Variants in FSD1L observed in about 807,000 individuals in gnomAD.
The protein encoded by FSD1L is FSD1-like protein.
Under a neutral mutation model 71.6 loss-of-function variants are expected in FSD1L, and 45 were observed. The observed-to-expected ratio is 0.63, with a 90% CI of 0.49 to 0.81. The LOEUF (loss-of-function observed/expected upper bound fraction) is 0.81. Ranked by LOEUF, FSD1L falls within the 30% of genes least tolerant of loss-of-function variation. FSD1L has a pLI of 0.00. For synonymous variants in FSD1L, 197 were observed against 207.2 expected, an observed-to-expected ratio of 0.95 and a Z score of 0.42; for missense variants, 561 against 618.1, an observed-to-expected ratio of 0.91 and a Z score of 0.98.
intron 1 of FSD1L, among the ~76,000 whole-genome samples, chr9:105,457,552 T>C (rs574291513): frequency 1.0e-4 from 16 of 152,382 alleles, no homozygotes; most frequent in African/African-American, 3.6e-4. Flanking sequence ...TAGTAACTTT[T>C]ACTAAGATAG....
intron 10 of FSD1L, chr9:105,521,969 A>G (rs941268333): frequency 1.2e-6 from 2 of 1,612,918 alleles, no homozygotes; most frequent in African/African-American, 2.7e-5. Context: ...TTGTACAAGT[A>G]TCAATGGACA....
intron 10 of FSD1L, chr9:105,530,916 A>G (rs1219861936): frequency 4.7e-6 from 1 of 212,648 alleles, no homozygotes; most frequent in East Asian, 1.1e-4. Context: ...CCTACTCTGT[A>G]CTGAGGATAC....
intron 13 of FSD1L, among the ~76,000 whole-genome samples, chr9:105,541,899 G>C (rs1158417698): frequency 1.3e-5 from 2 of 152,122 alleles, no homozygotes; most frequent in East Asian, 3.8e-4. Context: ...GTAGCCTTTC[G>C]ATTCCGTACC....
intron 7 of FSD1L, 147 bp downstream of exon 7, chr9:105,484,649 T>G: frequency 2.2e-6 from 1 of 461,034 alleles, no homozygotes; most frequent in Non-Finnish European, 3.5e-6. Context: ...AATTTGCTAG[T>G]TTTTTTTTAT....
chr9:105,533,414 A>ATTTTT (rs1271918066), intron 10 of FSD1L, among the ~76,000 whole-genome samples: 7 of 13,360 alleles, frequency 5.2e-4, no homozygotes, highest in African/African-American at 1.1e-3. Context: ...TGCCATTTCC[A>ATTTTT]TCTTTTTTTT....
chr9:105,494,320 C>T (rs1052551245), intron 7 of FSD1L, among the ~76,000 whole-genome samples: 7 of 151,926 alleles, frequency 4.6e-5, no homozygotes, highest in African/African-American at 7.3e-5. Context: ...GCATTCTTCA[C>T]GTAGTTCTCG....
chr9:105,542,219 C>A (rs10820814), intron 13 of FSD1L, among the ~76,000 whole-genome samples: 18,607 of 152,112 alleles, frequency 0.12, 1,519 homozygotes, highest in East Asian at 0.46. Flanking sequence ...TTTTTGCCTT[C>A]CTATCAGTGA....
intron 7 of FSD1L, among the ~76,000 whole-genome samples, chr9:105,504,864 A>G (rs368928808): frequency 1.8e-4 from 27 of 152,330 alleles, no homozygotes; most frequent in African/African-American, 5.8e-4. Flanking sequence ...CAGAGGGCCA[A>G]CTTTGCTTTG....
At chr9:105,462,927 C>T (rs1435812653) in intron 2 of FSD1L, among the ~76,000 whole-genome samples, 1 of 149,488 alleles carries the variant, frequency 6.7e-6, no homozygotes, top group Non-Finnish European at 1.5e-5. Flanking sequence ...CTCCTGAGGT[C>T]AAGAGTTTGA....
rs772495904 is a variant in FSD1L, at chr9:105,547,915, T to C, written c.*1432T>C. ...TGATAACCAACCTTCTTCCAAGGAG[T>C]GACCATTACTGCCTACATTTGCGTT... On this transcript the variant is annotated 3_prime_UTR_variant, in exon 14 of 14. Coordinates refer to ENST00000481272, the MANE Select transcript of FSD1L (RefSeq NM_001145313.3). The C allele has an allele frequency of 1.1e-4, 17 of 152,062 alleles. No homozygotes were observed. Among genetic ancestry groups the C allele is most frequent in the Non-Finnish European group, 2.5e-4 (17 of 67,944 alleles). The allele number at this position is 152,062 out of a possible 1,614,324, so 9.4% of individuals were successfully genotyped here.
chr9:105,524,166 C>G (rs1199202201), intron 10 of FSD1L: 8 of 1,612,088 alleles, frequency 5.0e-6, no homozygotes, highest in Non-Finnish European at 5.9e-6. Flanking sequence ...TTGTGAAGAA[C>G]TAGTCCATGA....
At chr9:105,490,134 G>C (rs138855799) in intron 7 of FSD1L, among the ~76,000 whole-genome samples, 1 of 152,110 alleles carries the variant, frequency 6.6e-6, no homozygotes, top group African/African-American at 2.4e-5. Flanking sequence ...GTGTAAAAGC[G>C]TTCCTATTTC....
chr9:105,515,223 A>C (rs1834638023), intron 10 of FSD1L, among the ~76,000 whole-genome samples: 1 of 152,102 alleles, frequency 6.6e-6, no homozygotes. Flanking sequence ...AAGATCACAT[A>C]CAGGGCACAT....
chr9:105,503,923 T>G (rs1833909323), intron 7 of FSD1L, among the ~76,000 whole-genome samples: 1 of 152,238 alleles, frequency 6.6e-6, no homozygotes, highest in Non-Finnish European at 1.5e-5. Flanking sequence ...TCACTTGACT[T>G]TCTTTTGGGG....
intron 10 of FSD1L, among the ~76,000 whole-genome samples, chr9:105,519,146 A>G (rs554152884): frequency 1.3e-5 from 2 of 152,360 alleles, no homozygotes; most frequent in South Asian, 4.1e-4. Context: ...AAATTCTGAA[A>G]TTGAGGCAGT....
At chr9:105,518,273 A>T (rs1834865119) in intron 10 of FSD1L, among the ~76,000 whole-genome samples, 1 of 152,216 alleles carries the variant, frequency 6.6e-6, no homozygotes, top group Admixed American at 6.5e-5. Context: ...ATTAACAAGG[A>T]TATTCAGGAC....
rs760830999 is a variant in FSD1L at position 105,550,988 on chromosome 9, C to G, written c.*4505C>G. ...AGGCACGTGAATGTGTTTGCTTTGG[C>G]TTGGAGCTTATTAAGTTTTGACTAC... On this transcript the variant is annotated 3_prime_UTR_variant, in exon 14 of 14. Coordinates refer to ENST00000481272, the MANE Select transcript of FSD1L (RefSeq NM_001145313.3). The G allele has an allele frequency of 2.0e-5, 3 of 152,022 alleles. No individual in the cohort carries two copies. Among genetic ancestry groups the G allele is most frequent in the Admixed American group, 6.6e-5 (1 of 15,262 alleles). The allele number at this position is 152,022 out of a possible 1,614,324, so 9.4% of individuals were successfully genotyped here.
chr9:105,500,407 A>T (rs1283795283), intron 7 of FSD1L, among the ~76,000 whole-genome samples: 1 of 152,144 alleles, frequency 6.6e-6, no homozygotes, highest in African/African-American at 2.4e-5. Flanking sequence ...TTTTCGGTGG[A>T]ACAGGATGGC....
In FSD1L at chr9:105,493,881, G is replaced by A. The variant is rs552872574; in HGVS notation, c.586+9379G>A. Among the ~76,000 whole-genome samples the A allele has an allele frequency of 2.6e-4, 40 of 152,324 alleles. No individual in the cohort carries two copies. In the East Asian group the frequency reaches 4.2e-3, roughly 16 times the overall value. On this transcript the variant is annotated intron_variant, in intron 7 of 13. Coordinates refer to ENST00000481272, the MANE Select transcript of FSD1L (RefSeq NM_001145313.3). ...CTGCCGAGAGATCCGCTGTTAGTCTGATGGGCTTCCCTTTGTGGATAACCC... is the reference window on the plus strand; with the variant it reads ...CTGCCGAGAGATCCGCTGTTAGTCTAATGGGCTTCCCTTTGTGGATAACCC...
Sources: gnomAD v4.1 joint callset for allele counts (sites outside exome capture counted in the v4.1 genomes callset) on GRCh38, gnomAD v4.1.1 for gene constraint, MANE v1.5 for transcripts, NCBI Gene and HGNC (gene_info 2026-07-23, HGNC 2026-07-21) for gene names.